Variants in EXOC4 observed in about 807,000 individuals in gnomAD.
The protein encoded by EXOC4 is SEC8-like 1.
In EXOC4, 71 loss-of-function variants were observed where a neutral mutation model predicts 107.2. That is an observed-to-expected ratio of 0.66 (90% CI 0.55 to 0.81). The LOEUF (loss-of-function observed/expected upper bound fraction) is 0.81. Among genes scored for constraint, EXOC4 ranks in the 30% least tolerant of loss-of-function variants. The probability of loss-of-function intolerance (pLI) is 0.00; values close to 1 mark genes in which losing one functional copy is unlikely to be tolerated. For synonymous variants in EXOC4, 456 were observed against 441.2 expected (o/e 1.03, Z -0.42); for missense variants, 1,108 against 1,189.6 (o/e 0.93, Z 1.01).
intron 1 of EXOC4, among the ~76,000 whole-genome samples, chr7:133,261,022 T>A (rs191092850): frequency 1.3e-5 from 2 of 152,320 alleles, no homozygotes; most frequent in African/African-American, 4.8e-5. Flanking sequence ...ATATTATTTT[T>A]ATCTTAGATT....
At chr7:133,407,364 C>G (rs771209636) in intron 7 of EXOC4, among the ~76,000 whole-genome samples, 6 of 152,196 alleles carry the variant, frequency 3.9e-5, no homozygotes, top group Non-Finnish European at 7.3e-5. Context: ...CCCAGCTTCT[C>G]TCCCCTATTG....
chr7:133,469,334 T>G (rs563946642), intron 7 of EXOC4, among the ~76,000 whole-genome samples: 132 of 152,284 alleles, frequency 8.7e-4, no homozygotes, highest in African/African-American at 3.0e-3. Flanking sequence ...GAGAATCGCT[T>G]GAACCTGGGA....
intron 10 of EXOC4, among the ~76,000 whole-genome samples, chr7:133,784,066 A>G (rs967272255): frequency 6.6e-6 from 1 of 152,180 alleles, no homozygotes; most frequent in Non-Finnish European, 1.5e-5. Flanking sequence ...CAATGATAAT[A>G]TTACTAATTA....
At chr7:133,954,882 G>A (rs1479455148) in intron 14 of EXOC4, among the ~76,000 whole-genome samples, 1 of 152,240 alleles carries the variant, frequency 6.6e-6, no homozygotes, top group Non-Finnish European at 1.5e-5. Context: ...GGCACCAGCT[G>A]TCTGTGAGGC....
At chr7:133,602,580 C>T (rs1801834353) in intron 9 of EXOC4, among the ~76,000 whole-genome samples, 1 of 152,140 alleles carries the variant, frequency 6.6e-6, no homozygotes, top group Non-Finnish European at 1.5e-5. Flanking sequence ...GATGTGACTA[C>T]AAAACTAGAA....
intron 17 of EXOC4, among the ~76,000 whole-genome samples, chr7:134,061,898 T>C (rs1347909563): frequency 1.3e-5 from 2 of 152,186 alleles, no homozygotes; most frequent in African/African-American, 4.8e-5. Flanking sequence ...GCAGATACAT[T>C]AAGGAGTAGA....
At chr7:133,987,278 T>G (rs1429000158) in intron 14 of EXOC4, among the ~76,000 whole-genome samples, 1 of 152,140 alleles carries the variant, frequency 6.6e-6, no homozygotes, top group Admixed American at 6.6e-5. Context: ...GTAGGCAACA[T>G]AGCGAGACCC....
chr7:133,344,092 C>G (rs910604933), intron 5 of EXOC4, among the ~76,000 whole-genome samples: 2 of 152,178 alleles, frequency 1.3e-5, no homozygotes, highest in Non-Finnish European at 2.9e-5. Flanking sequence ...ACTGGGATTA[C>G]AGGCATGAGC....
chr7:133,575,832 C>A (rs1157007849), intron 9 of EXOC4, among the ~76,000 whole-genome samples: 1 of 152,156 alleles, frequency 6.6e-6, no homozygotes, highest in Non-Finnish European at 1.5e-5. Flanking sequence ...TGAACCTCTC[C>A]TTGGTCCCAT....
At chr7:133,684,300 C>T (rs558209738) in intron 10 of EXOC4, among the ~76,000 whole-genome samples, 5 of 152,182 alleles carry the variant, frequency 3.3e-5, no homozygotes, top group South Asian at 2.1e-4. Context: ...TTGTGCAATG[C>T]GCTCATAACT....
intron 6 of EXOC4, among the ~76,000 whole-genome samples, chr7:133,374,528 T>G (rs1424425993): frequency 6.6e-6 from 1 of 152,204 alleles, no homozygotes; most frequent in Non-Finnish European, 1.5e-5. Context: ...ATCCGTGAAC[T>G]ATGTTAAAAC....
chr7:133,485,738 T>G (rs1799257633), intron 9 of EXOC4, among the ~76,000 whole-genome samples: 1 of 152,202 alleles, frequency 6.6e-6, no homozygotes, highest in Non-Finnish European at 1.5e-5. Context: ...TTAAGACATA[T>G]ATGATGAACA....
chr7:133,560,607 G>A (rs1219881454), intron 9 of EXOC4, among the ~76,000 whole-genome samples: 1 of 152,106 alleles, frequency 6.6e-6, no homozygotes, highest in African/African-American at 2.4e-5. Context: ...CGGAATCATG[G>A]TGTGCCTTTC....
chr7:133,983,682 C>T (rs1207721771), intron 14 of EXOC4, among the ~76,000 whole-genome samples: 1 of 151,504 alleles, frequency 6.6e-6, no homozygotes, highest in African/African-American at 2.4e-5. Context: ...ATTTTTGCCT[C>T]TAAAATTCTG....
chr7:133,565,010 C>A (rs1336811628), intron 9 of EXOC4, among the ~76,000 whole-genome samples: 1 of 152,052 alleles, frequency 6.6e-6, no homozygotes, highest in African/African-American at 2.4e-5. Context: ...CGATAGAAAT[C>A]GAATTTGGTG....
chr7:133,460,945 T>A (rs1279897164), intron 7 of EXOC4, among the ~76,000 whole-genome samples: 2 of 152,096 alleles, frequency 1.3e-5, no homozygotes, highest in East Asian at 3.8e-4. Flanking sequence ...ACAGGAAAAG[T>A]TAAATATCCA....
intron 9 of EXOC4, among the ~76,000 whole-genome samples, chr7:133,572,403 C>A (rs1801042225): frequency 6.6e-6 from 1 of 151,738 alleles, no homozygotes; most frequent in Non-Finnish European, 1.5e-5. Flanking sequence ...ATGACTGGAA[C>A]TGAAAAATCA....
At chr7:133,992,993 A>G (rs1794298458) in intron 14 of EXOC4, among the ~76,000 whole-genome samples, 1 of 151,912 alleles carries the variant, frequency 6.6e-6, no homozygotes, top group Non-Finnish European at 1.5e-5. Context: ...TTTTTCTGGC[A>G]TCTGTTGAAA....
intron 9 of EXOC4, among the ~76,000 whole-genome samples, chr7:133,580,024 C>T (rs1245345004): frequency 6.6e-6 from 1 of 152,140 alleles, no homozygotes; most frequent in Non-Finnish European, 1.5e-5. Context: ...AACTGGACTC[C>T]ATTGATTCAT....
Sources: allele counts gnomAD v4.1 joint callset (sites outside exome capture counted in the v4.1 genomes callset), GRCh38; gene constraint gnomAD v4.1.1; transcripts MANE v1.5; gene names NCBI Gene and HGNC (gene_info 2026-07-23, HGNC 2026-07-21).